ASAP1: variants seen among roughly 807,000 people sequenced by gnomAD.
The protein encoded by ASAP1 is ArfGAP with SH3 domain, ankyrin repeat and PH domain 1.
ASAP1 carries 43 observed loss-of-function variants against 145.2 expected under a neutral mutation model. The observed-to-expected ratio is 0.30, with a 90% CI of 0.23 to 0.38. The LOEUF (loss-of-function observed/expected upper bound fraction) is 0.38. Among genes scored for constraint, ASAP1 ranks in the 10% least tolerant of loss-of-function variants. ASAP1 has a pLI of 1.00. For synonymous variants in ASAP1, 546 were observed against 515.5 expected, an observed-to-expected ratio of 1.06 and a Z score of -0.80; for missense variants, 1,018 against 1,355.3, an observed-to-expected ratio of 0.75 and a Z score of 3.91.
At chr8:130,094,407 GAC>G (rs1435020376) in intron 24 of ASAP1, among the ~76,000 whole-genome samples, 1 of 151,968 alleles carries the variant, frequency 6.6e-6, no homozygotes, top group Non-Finnish European at 1.5e-5. Flanking sequence ...TTTTAGTAGA[GAC>G]AGAGTCTCAC....
At chr8:130,410,018 A>G (rs1387597963) in intron 1 of ASAP1, among the ~76,000 whole-genome samples, 1 of 152,252 alleles carries the variant, frequency 6.6e-6, no homozygotes, top group Non-Finnish European at 1.5e-5. Flanking sequence ...GTGTGAACAC[A>G]ATGTCATAGG....
At chr8:130,373,109 TATACAC>T (rs1449191118) in intron 2 of ASAP1, among the ~76,000 whole-genome samples, 14,317 of 127,526 alleles carry the variant, frequency 0.11, 1,138 homozygotes, top group African/African-American at 0.19. Context: ...CAGAAATACA[TATACAC>T]ACACACACAC....
chr8:130,074,052 G>A (rs543288846), intron 27 of ASAP1, among the ~76,000 whole-genome samples: 13 of 152,066 alleles, frequency 8.5e-5, no homozygotes, highest in Admixed American at 5.2e-4. Context: ...GACACTTAGA[G>A]ACAAATCAAT....
intron 13 of ASAP1, among the ~76,000 whole-genome samples, chr8:130,148,039 A>C (rs940080570): frequency 6.6e-6 from 1 of 152,218 alleles, no homozygotes; most frequent in Non-Finnish European, 1.5e-5. Flanking sequence ...GAACACTTGC[A>C]TTATCTTCAT....
chr8:130,110,496 A>C (rs1051476385), intron 24 of ASAP1, among the ~76,000 whole-genome samples: 24 of 152,244 alleles, frequency 1.6e-4, no homozygotes, highest in Admixed American at 3.9e-4. Flanking sequence ...GCCATTACCC[A>C]CAGGGAAGCA....
intron 3 of ASAP1, among the ~76,000 whole-genome samples, chr8:130,336,863 T>C (rs989347621): frequency 9.9e-5 from 15 of 152,146 alleles, no homozygotes; most frequent in African/African-American, 3.6e-4. Flanking sequence ...AGAGAACATT[T>C]CAAGAAACTA....
At chr8:130,344,418 TG>T (rs1825578224) in intron 3 of ASAP1, among the ~76,000 whole-genome samples, 1 of 152,100 alleles carries the variant, frequency 6.6e-6, no homozygotes. Context: ...AAGTACATAC[TG>T]AAGTATTTAC....
chr8:130,079,382 G>A (rs1405966467), intron 26 of ASAP1, among the ~76,000 whole-genome samples: 1 of 151,306 alleles, frequency 6.6e-6, no homozygotes, highest in Non-Finnish European at 1.5e-5. Context: ...TACAATTTCA[G>A]TGAAAAAAGG....
At chr8:130,362,332 A>C (rs1826756812) in intron 2 of ASAP1, among the ~76,000 whole-genome samples, 2 of 152,188 alleles carry the variant, frequency 1.3e-5, no homozygotes. Context: ...CATTCATCAC[A>C]GGCTCCCGAT....
intron 5 of ASAP1, among the ~76,000 whole-genome samples, chr8:130,194,556 A>T (rs1023564149): frequency 3.9e-5 from 6 of 152,180 alleles, no homozygotes; most frequent in African/African-American, 1.4e-4. Context: ...TTATATTAGC[A>T]GTCCCCAACC....
At chr8:130,071,011 G>GAGAGA (rs1415476694) in intron 27 of ASAP1, among the ~76,000 whole-genome samples, 589 of 11,430 alleles carry the variant, frequency 0.052, 132 homozygotes, top group Admixed American at 0.067. Flanking sequence ...GGGGAGGGGG[G>GAGAGA]GAGAGAGAGA....
chr8:130,382,097 T>C (rs1245658420), intron 2 of ASAP1, among the ~76,000 whole-genome samples: 1 of 151,930 alleles, frequency 6.6e-6, no homozygotes, highest in Non-Finnish European at 1.5e-5. Flanking sequence ...CCATCCTGGC[T>C]AACACGGTGA....
intron 25 of ASAP1, among the ~76,000 whole-genome samples, chr8:130,082,203 A>G (rs13439329): frequency 2.0e-5 from 3 of 152,240 alleles, no homozygotes; most frequent in African/African-American, 7.2e-5. Context: ...CATTACTAGA[A>G]GAACCAAAGG....
intron 2 of ASAP1, among the ~76,000 whole-genome samples, chr8:130,386,035 G>A (rs773095658): frequency 1.3e-5 from 2 of 152,246 alleles, no homozygotes; most frequent in African/African-American, 2.4e-5. Flanking sequence ...ATAGACCAAC[G>A]GGAATCAATC....
At chr8:130,109,018 G>A (rs1022527382) in intron 24 of ASAP1, among the ~76,000 whole-genome samples, 2 of 151,876 alleles carry the variant, frequency 1.3e-5, no homozygotes, top group African/African-American at 4.8e-5. Flanking sequence ...CAGGTGATCC[G>A]GCCACCTCGG....
chr8:130,291,020 T>C (rs975103890), intron 3 of ASAP1, among the ~76,000 whole-genome samples: 5 of 152,150 alleles, frequency 3.3e-5, no homozygotes, highest in African/African-American at 1.2e-4. Context: ...AAAAGACGAG[T>C]TGCCAAGTTA....
chr8:130,209,989 A>G (rs920931879), intron 5 of ASAP1, among the ~76,000 whole-genome samples: 19 of 152,360 alleles, frequency 1.2e-4, no homozygotes, highest in African/African-American at 3.4e-4. Flanking sequence ...ACGAGCTGAC[A>G]GTTTCCAAAT....
chr8:130,247,841 G>A (rs570667822), intron 3 of ASAP1, among the ~76,000 whole-genome samples: 55 of 152,280 alleles, frequency 3.6e-4, no homozygotes, highest in African/African-American at 1.3e-3. Flanking sequence ...AGCTTTTGTG[G>A]ACTTCACAAA....
At chr8:130,213,033 C>G (rs1336754097) in intron 5 of ASAP1, among the ~76,000 whole-genome samples, 1 of 152,190 alleles carries the variant, frequency 6.6e-6, no homozygotes, top group Non-Finnish European at 1.5e-5. Context: ...CTCTTTCTAC[C>G]ACACCACACT....
Sources: gnomAD v4.1 joint callset for allele counts (sites outside exome capture counted in the v4.1 genomes callset) on GRCh38, gnomAD v4.1.1 for gene constraint, MANE v1.5 for transcripts, NCBI Gene and HGNC (gene_info 2026-07-23, HGNC 2026-07-21) for gene names.